The following ALPP variants were observed in gnomAD, a reference collection of about 807,000 sequenced individuals.
ALPP encodes the protein alkaline phosphatase, placental type.
ALPP carries 39 observed loss-of-function variants against 50.7 expected under a neutral mutation model. The ratio of observed to expected loss-of-function variants is 0.77; its 90% CI spans 0.60 to 1.00. ALPP has a LOEUF of 1.00. ALPP is among the 50% of genes least tolerant of loss of function. ALPP has a pLI of 0.00. For missense variants in ALPP, 550 were observed against 746.8 expected (o/e 0.74, Z 3.07); for synonymous variants, 226 against 320.3 (o/e 0.71, Z 3.14).
chr2:232,380,304 G>A lies in ALPP; in HGVS notation c.776G>A (p.Trp259Ter), dbSNP rs1457304183. 4 of 1,613,976 alleles carry A rather than the reference G, an allele frequency of 2.5e-6. No homozygotes were observed. The highest frequency in any genetic ancestry group is 3.4e-6 in the Non-Finnish European group (4 of 1,179,992). The change falls in exon 6 of 11, where the codon TGG (tryptophan) becomes TAG (stop). Residue 259 changes from tryptophan (W) to a stop codon, truncating the protein, a stop_gained. Transcript: ENST00000392027. LOFTEE classifies it high-confidence loss of function. The part of the protein sequence containing the change: ...RLDGKNLVQE[W>*]LAKRQGARYV... ...GACGGGAAGAATCTGGTGCAGGAAT[G>A]GCTGGCGAAGCGCCAGGTGATGGGG...
Position 232,379,614 on chromosome 2 carries a change from C to T in ALPP, c.411C>T (p.Ala137=), listed in dbSNP as rs571523294. The T allele has an allele frequency of 1.1e-5, 17 of 1,613,968 alleles. No individual in the cohort carries two copies. Among genetic ancestry groups the T allele is most frequent in the African/African-American group, 6.7e-5 (5 of 75,052 alleles). ...GNFQTIGLSA[A]ARFNQCNTTR... ...TCCAGACCATTGGCTTGAGTGCAGC[C>T]GCCCGCTTTAACCAGTGCAACACGA... Residue 137 remains alanine, a synonymous_variant, in exon 4 of 11, where the codon GCC becomes GCT. Coordinates refer to ENST00000392027, the MANE Select transcript of ALPP (RefSeq NM_001632.5).
intron 5 of ALPP, 49 bp from the exon 6 acceptor site, chr2:232,380,137 C>A: frequency 6.2e-7 from 1 of 1,612,980 alleles, no homozygotes; most frequent in Non-Finnish European, 8.5e-7. Context: ...GGAGGGGGCA[C>A]GGGGCCAGCC....
intron 3 of ALPP, 65 bp from the exon 4 acceptor site, chr2:232,379,448 C>G: frequency 6.2e-7 from 1 of 1,603,268 alleles, no homozygotes; most frequent in Non-Finnish European, 8.5e-7. Context: ...TCCCAGAGGA[C>G]AGAGATCAGG....
chr2:232,381,444 T>C, intron 10 of ALPP, 53 bp from the exon 11 acceptor site: 1 of 1,612,388 alleles, frequency 6.2e-7, no homozygotes, highest in South Asian at 1.1e-5. Context: ...GGTCACCTCC[T>C]GTCTGCCTGG....
At position 232,379,601 on chromosome 2, in the gene ALPP, G is replaced by C. The variant is rs1696665970; in HGVS notation, c.398G>C (p.Gly133Ala). The change falls in exon 4 of 11, where the codon GGC (glycine) becomes GCC (alanine). Residue 133 changes from glycine (G) to alanine (A), a missense_variant. This residue lies in a region of ALPP where 376 missense variants were observed against 388.5 expected (regional missense o/e 0.97). Coordinates refer to ENST00000392027, the MANE Select transcript of ALPP (RefSeq NM_001632.5). ...CGVKGNFQTI[G>A]LSAAARFNQC... ...GTCAAGGGCAACTTCCAGACCATTG[G>C]CTTGAGTGCAGCCGCCCGCTTTAAC... The C allele has an allele frequency of 6.2e-7, 1 of 1,614,048 alleles. No homozygotes were observed. The highest frequency in any genetic ancestry group is 1.3e-5 in the African/African-American group (1 of 75,046).
At position 232,380,395 on chromosome 2, in the gene ALPP, G is replaced by A. The variant is rs368310273; in HGVS notation, c.793-25G>A. ...TGTGGGGCTCAGGGCTGTGGGCTGA[G>A]GCCTGGCTCTCTCCCTCCCCACAGG... On this transcript the variant is annotated intron_variant, in intron 6 of 10. Transcript: ENST00000392027. 5 of 1,613,254 alleles carry A rather than the reference G, an allele frequency of 3.1e-6. No individual in the cohort carries two copies. The African/African-American group carries it at 4.0e-5, about 13-fold the overall frequency.
rs1130342 is a variant in ALPP, at chr2:232,379,530, A to T, written c.327A>T (p.Lys109Asn). 6.2e-7 allele frequency: 1 copy of T among 1,613,392 alleles called. No individual in the cohort carries two copies. The highest frequency in any genetic ancestry group is 8.5e-7 in the Non-Finnish European group (1 of 1,179,958). ...VALSKTYNVDKHVPDSGATAT... is the reference protein window; with the variant it reads ...VALSKTYNVDNHVPDSGATAT... ...GTCCCCAGACATACAATGTAGACAA[A>T]CATGTGCCAGACAGTGGAGCCACAG... The change falls in exon 4 of 11, where the codon AAA becomes AAT. Residue 109 changes from lysine (K) to asparagine (N), a missense_variant. Around this residue, in one of 5 missense-constraint regions of ALPP, gnomAD observed 376 missense variants for 388.5 expected, o/e 0.97. Coordinates refer to ENST00000392027, the MANE Select transcript of ALPP (RefSeq NM_001632.5).
intron 7 of ALPP, 30 bp from the exon 8 acceptor site, chr2:232,380,593 C>T (rs771267457): frequency 1.2e-6 from 2 of 1,613,916 alleles, no homozygotes; most frequent in South Asian, 2.2e-5. Context: ...CCCCAGCCTG[C>T]CAGTCACCAC....
intron 4 of ALPP, 21 bp from the exon 5 acceptor site, chr2:232,379,743 A>G: frequency 6.2e-7 from 1 of 1,614,012 alleles, no homozygotes; most frequent in South Asian, 1.1e-5. Context: ...GGTCACATAT[A>G]CTGACCTCTG....
Position 232,380,178 on chromosome 2 carries a change from G to T in ALPP, c.658-8G>T. On this transcript the variant is annotated splice_polypyrimidine_tract_variant and splice_region_variant and intron_variant, in intron 5 of 10. Transcript: ENST00000392027. ...CCCAAATCCACCTGCCCCATCCTCTGTTCCCAGGTGATCCTAGGTGGAGGC... is the reference window on the plus strand; with the variant it reads ...CCCAAATCCACCTGCCCCATCCTCTTTTCCCAGGTGATCCTAGGTGGAGGC... The T allele has an allele frequency of 1.2e-6, 2 of 1,614,102 alleles. No individual in the cohort carries two copies. The highest frequency in any genetic ancestry group is 1.7e-6 in the Non-Finnish European group (2 of 1,179,970).
chr2:232,379,973 G>C (rs1201875913), intron 5 of ALPP, 37 bp downstream of exon 5: 1 of 1,579,098 alleles, frequency 6.3e-7, no homozygotes, highest in African/African-American at 1.3e-5. Flanking sequence ...GCTGGGCAGA[G>C]AGTAGCAGGG....
Position 232,381,952 on chromosome 2 carries a change from CT to C in ALPP, c.*158del. On this transcript the variant is annotated 3_prime_UTR_variant, in exon 11 of 11. Coordinates refer to ENST00000392027, the MANE Select transcript of ALPP (RefSeq NM_001632.5). ...TTCCCCTCCCCGTGCGCTCTGGGGA[CT>C]GAGCCCATGACACCAAACCTGCCCC... The C allele has an allele frequency of 8.1e-7, 1 of 1,234,566 alleles. No individual in the cohort carries two copies. The highest frequency in any genetic ancestry group is 1.1e-6 in the Non-Finnish European group (1 of 914,150). 76.5% of individuals were successfully genotyped at this position (1,234,566 alleles called of 1,614,324 possible).
chr2:232,381,828 C>T lies in ALPP; in HGVS notation c.*33C>T. On this transcript the variant is annotated 3_prime_UTR_variant, in exon 11 of 11. Transcript: ENST00000392027. ...GTCCCTGGGGCTCCTGCTTCCCCAT[C>T]CCGGAGTTCTCCTGCTCCCCACCTC... 6.5e-7 allele frequency: 1 copy of T among 1,535,510 alleles called. No homozygotes were observed. Among genetic ancestry groups the T allele is most frequent in the Non-Finnish European group, 8.7e-7 (1 of 1,147,462 alleles).
chr2:232,379,116 A>G (rs765202566), intron 2 of ALPP, 29 bp downstream of exon 2: 32 of 1,613,966 alleles, frequency 2.0e-5, no homozygotes, highest in Admixed American at 1.0e-4. Flanking sequence ...CCAGCCCTGC[A>G]GCCCTCACAG....
At chr2:232,379,709 G>C (rs753292542) in intron 4 of ALPP, 22 bp downstream of exon 4, 1 of 1,614,030 alleles carries the variant, frequency 6.2e-7, no homozygotes, top group East Asian at 2.2e-5. Context: ...CCCGCTGCTG[G>C]GTCACGGCCA....
In ALPP at chr2:232,381,648, C is replaced by A. The variant is rs1039054381; in HGVS notation, c.1461C>A (p.Ala487=). Reference sequence around the variant, plus strand: ...TCATAGCGCACGTCATGGCCTTCGCCGCCTGCCTGGAGCCCTACACCGCCT... The same window carrying A: ...TCATAGCGCACGTCATGGCCTTCGCAGCCTGCCTGGAGCCCTACACCGCCT... ...QTFIAHVMAF[A]ACLEPYTACD... Residue 487 remains alanine (A), a synonymous_variant, in exon 11 of 11, where the codon GCC becomes GCA. Coordinates refer to ENST00000392027, the MANE Select transcript of ALPP (RefSeq NM_001632.5). 2 of 1,611,492 alleles carry A rather than the reference C, an allele frequency of 1.2e-6. No individual in the cohort carries two copies. Among genetic ancestry groups the A allele is most frequent in the South Asian group, 1.1e-5 (1 of 90,842 alleles).
Position 232,379,883 on chromosome 2 carries a change from C to A in ALPP, c.604C>A (p.Gln202Lys). Reference sequence around the variant, plus strand: ...CGCCGACGTGCCTGCCTCCGCCCGCCAGGAGGGGTGCCAGGACATCGCTAC... The same window carrying A: ...CGCCGACGTGCCTGCCTCCGCCCGCAAGGAGGGGTGCCAGGACATCGCTAC... Reference protein sequence around the residue: ...SDADVPASARQEGCQDIATQL... With the variant: ...SDADVPASARKEGCQDIATQL... Residue 202 changes from glutamine (Q) to lysine (K), a missense_variant, in exon 5 of 11, where the codon CAG becomes AAG. Gln to Lys is a moderately conservative substitution (Grantham distance 53). This residue lies in a region of ALPP where 376 missense variants were observed against 388.5 expected (regional missense o/e 0.97). Transcript: ENST00000392027. The A allele has an allele frequency of 6.2e-7, 1 of 1,613,162 alleles. No individual in the cohort carries two copies. The highest frequency in any genetic ancestry group is 8.5e-7 in the Non-Finnish European group (1 of 1,179,824).
rs2106378045 is a variant in ALPP at position 232,379,934 on chromosome 2, G to C, written c.655G>C (p.Asp219His). 1 of 1,603,956 alleles carries C rather than the reference G, an allele frequency of 6.2e-7. No individual in the cohort carries two copies. Among genetic ancestry groups the C allele is most frequent in the East Asian group, 2.2e-5 (1 of 44,820 alleles). ...ATQLISNMDIDVILGGGRKYM... is the reference protein window; with the variant it reads ...ATQLISNMDIHVILGGGRKYM... ...GCAGCTCATCTCCAACATGGACATT[G>C]ACGTGCGACCCCCAGGCCAAGGGCT... Residue 219 changes from aspartate to histidine, a missense_variant and splice_region_variant, in exon 5 of 11, where the codon GAC (aspartate) becomes CAC (histidine). By Grantham distance (81) the Asp-to-His change is moderately conservative. Transcript: ENST00000392027.
At position 232,379,804 on chromosome 2, in the gene ALPP, C is replaced by G. The variant is rs1048985; in HGVS notation, c.525C>G (p.His175Gln). ...VGVVTTTRVQ[H>Q]ASPAGTYAHT... ...TGGTAACCACCACACGAGTGCAGCA[C>G]GCCTCGCCAGCCGGCACCTACGCCC... The change falls in exon 5 of 11, where the codon CAC (histidine) becomes CAG (glutamine). Residue 175 changes from histidine (H) to glutamine (Q), a missense_variant. Coordinates refer to ENST00000392027, the MANE Select transcript of ALPP (RefSeq NM_001632.5). 8.7e-6 allele frequency: 14 copies of G among 1,613,756 alleles called. No individual in the cohort carries two copies. The highest frequency in any genetic ancestry group is 4.4e-5 in the South Asian group (4 of 91,070).
Sources: allele counts gnomAD v4.1 joint callset, GRCh38; gene constraint gnomAD v4.1.1; regional missense constraint gnomAD v4.1.1; transcripts MANE v1.5; gene names NCBI Gene and HGNC (gene_info 2026-07-23, HGNC 2026-07-21).